The following PRKCH variants were observed in gnomAD, a reference collection of about 807,000 sequenced individuals.
PRKCH encodes the protein protein kinase C eta type.
PRKCH carries 28 observed loss-of-function variants against 82.5 expected under a neutral mutation model. The ratio of observed to expected loss-of-function variants is 0.34; its 90% CI spans 0.25 to 0.47. PRKCH has a LOEUF of 0.47. Among genes scored for constraint, PRKCH ranks in the 20% least tolerant of loss-of-function variants. PRKCH has a pLI of 1.00. For missense variants in PRKCH, 705 were observed against 881.8 expected (o/e 0.80, Z 2.54); for synonymous variants, 322 against 327.4 (o/e 0.98, Z 0.18).
At chr14:61,324,642 G>A (rs2045671888) in intron 1 of PRKCH, among the ~76,000 whole-genome samples, 1 of 152,028 alleles carries the variant, frequency 6.6e-6, no homozygotes, top group East Asian at 1.9e-4. Context: ...AAAAAATAGA[G>A]ATGGGGTCTT....
intron 1 of PRKCH, among the ~76,000 whole-genome samples, chr14:61,382,521 A>AT (rs1326823780): frequency 2.0e-5 from 3 of 152,082 alleles, no homozygotes; most frequent in Admixed American, 6.5e-5. Context: ...ACCTGTTGGA[A>AT]TTTTTTTTCT....
At chr14:61,321,198 G>T (rs531951301), upstream of PRKCH, among the ~76,000 whole-genome samples, 75 of 152,332 alleles carry the variant, frequency 4.9e-4, no homozygotes, top group African/African-American at 1.4e-3. This position sits in a 1 kb window ranked among gnomAD's most constrained non-coding sequence, Gnocchi z 4.1. Flanking sequence ...GCCTCTTGGG[G>T]ATGGCCCTGC....
At chr14:61,513,951 G>T (rs1041997588) in intron 10 of PRKCH, among the ~76,000 whole-genome samples, 4 of 152,050 alleles carry the variant, frequency 2.6e-5, no homozygotes, top group Non-Finnish European at 5.9e-5. Context: ...TGAGGAAACT[G>T]AGGCCCAGAA....
chr14:61,238,570 T>C (rs1006873561), intron 1 of PRKCH, among the ~76,000 whole-genome samples: 3 of 152,236 alleles, frequency 2.0e-5, no homozygotes, highest in African/African-American at 7.2e-5. Flanking sequence ...ATTTACATTT[T>C]ATTCACCTCA....
At chr14:61,200,626 T>A (rs573633078) in intron 1 of PRKCH, among the ~76,000 whole-genome samples, 8 of 152,246 alleles carry the variant, frequency 5.3e-5, no homozygotes, top group African/African-American at 1.7e-4. Flanking sequence ...CAGTAGTCAA[T>A]CCTTATCCAA....
intron 10 of PRKCH, among the ~76,000 whole-genome samples, chr14:61,505,395 C>CTTTTCTTTTTT (rs762878496): frequency 1.6e-4 from 9 of 55,770 alleles, no homozygotes; most frequent in East Asian, 1.6e-3. Context: ...CTTTTCTTTT[C>CTTTTCTTTTTT]TTTTTTTTTT....
At chr14:61,315,439 T>A (rs1001694804) in intron 1 of PRKCH, among the ~76,000 whole-genome samples, 2 of 152,182 alleles carry the variant, frequency 1.3e-5, no homozygotes, top group African/African-American at 4.8e-5. Context: ...AACATTTCAT[T>A]TGGTTGTCAT....
chr14:61,188,935 GTCTCGAAC>G (rs1174772840), intron 1 of PRKCH, among the ~76,000 whole-genome samples: 1 of 152,036 alleles, frequency 6.6e-6, no homozygotes, highest in Non-Finnish European at 1.5e-5. Context: ...GATCAGGCTG[GTCTCGAAC>G]TACTGACCTC....
In PRKCH at chr14:61,473,056, T is replaced by A. The variant is rs116522842; in HGVS notation, c.1279-12446T>A. On this transcript the variant is annotated intron_variant, in intron 9 of 13. Coordinates refer to ENST00000332981, the MANE Select transcript of PRKCH (RefSeq NM_006255.5). ...TTCCCAGAGGAGGGGCTGTGTGAGC[T>A]GTGTTTTGAAGATGAATAGGGATCT... 4.2e-3 allele frequency among the ~76,000 whole-genome samples: 637 copies of A among 152,266 alleles called. 4 individuals are homozygous for A. The highest frequency in any genetic ancestry group is 0.014 in the African/African-American group (582 of 41,546).
At chr14:61,264,707 G>T (rs1370645413) in intron 1 of PRKCH, among the ~76,000 whole-genome samples, 1 of 152,178 alleles carries the variant, frequency 6.6e-6, no homozygotes, top group Non-Finnish European at 1.5e-5. Context: ...AATTGGAGAG[G>T]CTACTCTGGC....
intron 1 of PRKCH, among the ~76,000 whole-genome samples, chr14:61,202,870 C>G (rs8013036): frequency 0.27 from 41,487 of 151,840 alleles, 5,900 homozygotes; most frequent in Admixed American, 0.38. Flanking sequence ...AATATGAATA[C>G]ATTATCATGA....
intron 1 of PRKCH, among the ~76,000 whole-genome samples, chr14:61,384,223 A>AGT (rs1271418612): frequency 6.6e-6 from 1 of 152,174 alleles, no homozygotes; most frequent in East Asian, 1.9e-4. Flanking sequence ...CTAGTGATTC[A>AGT]GTGATGACCA....
At chr14:61,443,022 T>C in intron 2 of PRKCH, 89 bp from the exon 3 acceptor site, 1 of 1,264,346 alleles carries the variant, frequency 7.9e-7, no homozygotes, top group African/African-American at 1.5e-5. Flanking sequence ...ATTTGAGGAG[T>C]GAGCACTTGA....
chr14:61,243,631 T>C (rs1352804619), intron 1 of PRKCH, among the ~76,000 whole-genome samples: 2 of 151,864 alleles, frequency 1.3e-5, no homozygotes, highest in African/African-American at 2.4e-5. Context: ...TTAAGAAGAA[T>C]TGAAAATCAA....
intron 10 of PRKCH, among the ~76,000 whole-genome samples, chr14:61,522,260 C>G (rs1198296418): frequency 1.3e-5 from 2 of 152,194 alleles, no homozygotes; most frequent in Non-Finnish European, 2.9e-5. Flanking sequence ...CCTGGATACT[C>G]TAGTAGCTTC....
rs144130433 is a variant in PRKCH, at chr14:61,272,831, A to G, written c.-19+85163A>G. ...TTGCAACTTTTCTTTGCTTTCAACT[A>G]TCAGAGGTGCAGGGAGGAGAAAGTG... On this transcript the variant is annotated intron_variant, in intron 1 of 3. Transcript: ENST00000555185. 1.2e-4 allele frequency among the ~76,000 whole-genome samples: 18 copies of G among 152,300 alleles called. No homozygotes were observed. The South Asian group carries it at 3.3e-3, about 28-fold the overall frequency.
At chr14:61,298,463 G>A (rs1381089386) in intron 1 of PRKCH, 2 of 152,140 alleles carry the variant, frequency 1.3e-5, no homozygotes, top group African/African-American at 4.8e-5. Flanking sequence ...AGGGATGAGG[G>A]GAAGAGCCAG....
chr14:61,431,034 G>A (rs1400109197), intron 2 of PRKCH, among the ~76,000 whole-genome samples: 1 of 152,234 alleles, frequency 6.6e-6, no homozygotes, highest in Non-Finnish European at 1.5e-5. Context: ...GATTACAGGC[G>A]TGAGCCGCGG....
At chr14:61,536,181 A>AC (rs2043106271) in intron 12 of PRKCH, among the ~76,000 whole-genome samples, 2 of 53,204 alleles carry the variant, frequency 3.8e-5, no homozygotes, top group Non-Finnish European at 1.5e-4. Flanking sequence ...TGTCACCCTC[A>AC]TGATTTTTTG....
Sources: gnomAD v4.1 joint callset for allele counts (sites outside exome capture counted in the v4.1 genomes callset) on GRCh38, gnomAD v4.1.1 for gene constraint, Gnocchi (gnomAD v3.1) non-coding constraint, MANE v1.5 for transcripts, NCBI Gene and HGNC (gene_info 2026-07-23, HGNC 2026-07-21) for gene names.